Variants in ZRANB3 observed in about 807,000 individuals in gnomAD.
The protein encoded by ZRANB3 is DNA annealing helicase and endonuclease ZRANB3.
A neutral mutation model predicts 133.8 loss-of-function variants in ZRANB3; 125 were observed. That is an observed-to-expected ratio of 0.93 (90% CI 0.81 to 1.08). The LOEUF is 1.08. Among genes scored for constraint, ZRANB3 ranks in the 50% least tolerant of loss-of-function variants. The probability of loss-of-function intolerance (pLI) is 0.00; values close to 1 mark genes in which losing one functional copy is unlikely to be tolerated. For synonymous variants in ZRANB3, 387 were observed against 432.7 expected, an observed-to-expected ratio of 0.89 and a Z score of 1.31; for missense variants, 1,229 against 1,275.5, an observed-to-expected ratio of 0.96 and a Z score of 0.56.
chr2:135,430,798 A>T (rs1689288582), intron 2 of ZRANB3, among the ~76,000 whole-genome samples: 1 of 152,218 alleles, frequency 6.6e-6, no homozygotes, highest in Non-Finnish European at 1.5e-5. Flanking sequence ...TTTTTGAGAA[A>T]ATAATTTGGT....
At chr2:135,429,177 A>G (rs1689215869) in intron 2 of ZRANB3, among the ~76,000 whole-genome samples, 1 of 152,258 alleles carries the variant, frequency 6.6e-6, no homozygotes, top group South Asian at 2.1e-4. Context: ...AATGTGGTAC[A>G]TATACATTAT....
At chr2:135,200,797 C>T (rs535635825) in intron 20 of ZRANB3, among the ~76,000 whole-genome samples, 35 of 147,054 alleles carry the variant, frequency 2.4e-4, no homozygotes, top group African/African-American at 6.8e-4. Context: ...GTTCTTTTGC[C>T]GAGGCTGAAG....
At chr2:135,312,740 G>C (rs2104823577) in intron 8 of ZRANB3, among the ~76,000 whole-genome samples, 1 of 152,190 alleles carries the variant, frequency 6.6e-6, no homozygotes, top group Non-Finnish European at 1.5e-5. Flanking sequence ...TATAGTTCGG[G>C]CACGGTGGCT....
At chr2:135,382,572 G>T (rs1172995463) in intron 3 of ZRANB3, among the ~76,000 whole-genome samples, 2 of 152,030 alleles carry the variant, frequency 1.3e-5, no homozygotes, top group African/African-American at 2.4e-5. Context: ...TGAAGGAAAT[G>T]TTAAGGGCAG....
At chr2:135,320,519 T>A (rs1408868280) in intron 6 of ZRANB3, among the ~76,000 whole-genome samples, 1 of 152,200 alleles carries the variant, frequency 6.6e-6, no homozygotes, top group African/African-American at 2.4e-5. Flanking sequence ...TCATTCAGTT[T>A]TACAGAGTAA....
chr2:135,224,551 T>C, intron 14 of ZRANB3, 34 bp from the exon 15 acceptor site: 1 of 1,506,720 alleles, frequency 6.6e-7, no homozygotes, highest in Non-Finnish European at 9.2e-7. Context: ...CCTGAAGGCT[T>C]ATCTACCCTC....
At chr2:135,349,061 T>C (rs1196651780) in intron 5 of ZRANB3, among the ~76,000 whole-genome samples, 1 of 152,172 alleles carries the variant, frequency 6.6e-6, no homozygotes, top group African/African-American at 2.4e-5. Context: ...CTATAAAAGG[T>C]AAAATTAAGC....
At chr2:135,209,013 T>G in intron 17 of ZRANB3, 35 bp from the exon 18 acceptor site, 1 of 1,587,622 alleles carries the variant, frequency 6.3e-7, no homozygotes, top group Admixed American at 1.7e-5. Flanking sequence ...ATTCCCTCTA[T>G]CTCATATAAA....
chr2:135,348,504 T>C (rs374581223), intron 5 of ZRANB3, among the ~76,000 whole-genome samples: 2 of 152,164 alleles, frequency 1.3e-5, no homozygotes, highest in Admixed American at 6.5e-5. Context: ...AGAGCCACTG[T>C]TGTACTGTTA....
At chr2:135,319,324 T>C (rs1399050431) in intron 6 of ZRANB3, among the ~76,000 whole-genome samples, 1 of 152,212 alleles carries the variant, frequency 6.6e-6, no homozygotes, top group Admixed American at 6.5e-5. Flanking sequence ...CTATAATGTT[T>C]TTTCAACATT....
chr2:135,241,918 G>A (rs1291025061), intron 12 of ZRANB3, among the ~76,000 whole-genome samples: 1 of 152,140 alleles, frequency 6.6e-6, no homozygotes, highest in Non-Finnish European at 1.5e-5. Flanking sequence ...GGTGGCTCAC[G>A]CCTGTAATCC....
intron 12 of ZRANB3, among the ~76,000 whole-genome samples, chr2:135,261,087 AAAG>A (rs1679941540): frequency 6.6e-6 from 1 of 151,418 alleles, no homozygotes; most frequent in Admixed American, 6.6e-5. Context: ...TTTTTGAGTC[AAAG>A]AAGTTTTTGA....
At chr2:135,471,739 A>T (rs924111497) in intron 2 of ZRANB3, among the ~76,000 whole-genome samples, 1 of 152,212 alleles carries the variant, frequency 6.6e-6, no homozygotes, top group East Asian at 1.9e-4. Flanking sequence ...CAAACATTCC[A>T]TTTCTGAAGG....
chr2:135,277,513 CA>C (rs767921008), intron 8 of ZRANB3, among the ~76,000 whole-genome samples: 2 of 150,062 alleles, frequency 1.3e-5, no homozygotes, highest in African/African-American at 4.9e-5. Context: ...CAGTATGCTA[CA>C]AAAAAAACAG....
chr2:135,499,832 A>G (rs560881486), intron 2 of ZRANB3, among the ~76,000 whole-genome samples: 1 of 152,302 alleles, frequency 6.6e-6, no homozygotes, highest in Non-Finnish European at 1.5e-5. Context: ...CCAAATTCAT[A>G]TGTTGAAGTT....
chr2:135,273,165 G>A (rs1680618642), intron 9 of ZRANB3, among the ~76,000 whole-genome samples: 1 of 146,268 alleles, frequency 6.8e-6, no homozygotes, highest in Non-Finnish European at 1.5e-5. Context: ...CAGCCTGGGC[G>A]ACTGAGCGAG....
intron 3 of ZRANB3, among the ~76,000 whole-genome samples, chr2:135,354,557 AATG>A (rs1685345816): frequency 6.6e-6 from 1 of 152,226 alleles, no homozygotes; most frequent in South Asian, 2.1e-4. Flanking sequence ...TGAATAATCA[AATG>A]ATGTCATATT....
intron 12 of ZRANB3, among the ~76,000 whole-genome samples, chr2:135,233,558 C>T (rs906938185): frequency 2.0e-5 from 3 of 151,958 alleles, no homozygotes; most frequent in Admixed American, 2.0e-4. Flanking sequence ...CTCGGGTTAC[C>T]CACAAAGGGA....
intron 1 of ZRANB3, among the ~76,000 whole-genome samples, chr2:135,512,849 A>T (rs1693526076): frequency 6.6e-6 from 1 of 152,170 alleles, no homozygotes; most frequent in African/African-American, 2.4e-5. Context: ...TGACACAACC[A>T]TATCTATCTA....
Sources: allele counts gnomAD v4.1 joint callset (sites outside exome capture counted in the v4.1 genomes callset), GRCh38; gene constraint gnomAD v4.1.1; transcripts MANE v1.5; gene names NCBI Gene and HGNC (gene_info 2026-07-23, HGNC 2026-07-21).